Variants in TSC22D1 observed in about 807,000 individuals in gnomAD.
The protein encoded by TSC22D1 is TSC22 domain family member 1.
A neutral mutation model predicts 74.2 loss-of-function variants in TSC22D1; 9 were observed. The ratio of observed to expected loss-of-function variants is 0.12; its 90% CI spans 0.07 to 0.21. The LOEUF is 0.21. Among genes scored for constraint, TSC22D1 ranks in the 10% least tolerant of loss-of-function variants. The pLI, the probability that TSC22D1 is intolerant of heterozygous loss-of-function variation, is 1.00. For synonymous variants in TSC22D1, 586 were observed against 492.5 expected (o/e 1.19, Z -2.51); for missense variants, 1,427 against 1,304.7 (o/e 1.09, Z -1.44).
chr13:44,440,511 C>T (rs2138866796), intron 1 of TSC22D1, among the ~76,000 whole-genome samples: 1 of 150,704 alleles, frequency 6.6e-6, no homozygotes, highest in East Asian at 1.9e-4. Flanking sequence ...TTGCTTGAAC[C>T]CAGGAGGCAG....
chr13:44,467,600 C>T (rs568301929), intron 1 of TSC22D1, among the ~76,000 whole-genome samples: 1 of 152,028 alleles, frequency 6.6e-6, no homozygotes, highest in East Asian at 1.9e-4. Context: ...ATAGATATTT[C>T]TCAAAAGAAG....
rs138855607 is a variant in TSC22D1 at position 44,533,408 on chromosome 13, T to C, written c.2912+39755A>G. ...CCAGGAGGCAGATGTTGCAGTGAGC[T>C]GAGATCTTGCCACTGCACTCCAGCT... On this transcript the variant is annotated intron_variant, in intron 1 of 2. Coordinates refer to ENST00000458659, the MANE Select transcript of TSC22D1 (RefSeq NM_183422.4). 1.3e-3 allele frequency among the ~76,000 whole-genome samples: 202 copies of C among 150,788 alleles called. 1 individual carries two copies. Among genetic ancestry groups the C allele is most frequent in the African/African-American group, 4.6e-3 (186 of 40,854 alleles).
At chr13:44,521,578 TG>T (rs2138041699) in intron 1 of TSC22D1, among the ~76,000 whole-genome samples, 2 of 152,082 alleles carry the variant, frequency 1.3e-5, no homozygotes, top group South Asian at 4.2e-4. Flanking sequence ...GGGTATATGT[TG>T]TGAACAAATG....
chr13:44,468,242 G>A (rs941756877), intron 1 of TSC22D1, among the ~76,000 whole-genome samples: 2 of 152,072 alleles, frequency 1.3e-5, no homozygotes, highest in African/African-American at 2.4e-5. Context: ...GTAGAAAGGG[G>A]GTGAGGGATA....
intron 1 of TSC22D1, among the ~76,000 whole-genome samples, chr13:44,480,637 C>G (rs1566132826): frequency 6.6e-6 from 1 of 152,034 alleles, no homozygotes; most frequent in Non-Finnish European, 1.5e-5. Flanking sequence ...TATGTGAAAA[C>G]AGGAATAAAT....
At chr13:44,517,873 T>TTTTTTTTTTC (rs1161219206) in intron 1 of TSC22D1, among the ~76,000 whole-genome samples, 1 of 109,430 alleles carries the variant, frequency 9.1e-6, no homozygotes, top group Non-Finnish European at 1.9e-5. Flanking sequence ...TTTTTTTTTT[T>TTTTTTTTTTC]TTTTTTAACA....
intron 1 of TSC22D1, among the ~76,000 whole-genome samples, chr13:44,457,294 CA>C (rs1343787768): frequency 1.3e-5 from 2 of 152,166 alleles, no homozygotes; most frequent in Non-Finnish European, 2.9e-5. Flanking sequence ...TATTCTTTCG[CA>C]AAGGATAACT....
chr13:44,516,229 C>G, intron 1 of TSC22D1: 1 of 337,182 alleles, frequency 3.0e-6, no homozygotes, highest in Non-Finnish European at 5.6e-6. Context: ...TGTTGAACAT[C>G]ATTAGTTTAC....
chr13:44,559,168 G>A (rs540424660), intron 1 of TSC22D1, among the ~76,000 whole-genome samples: 2 of 152,108 alleles, frequency 1.3e-5, no homozygotes, highest in Non-Finnish European at 2.9e-5. Flanking sequence ...AAAAGTTTAG[G>A]TGAACTACAG....
chr13:44,551,389 G>GGGGTGT (rs1555272493), intron 1 of TSC22D1, among the ~76,000 whole-genome samples: 50 of 125,306 alleles, frequency 4.0e-4, no homozygotes, highest in Non-Finnish European at 6.2e-4. Flanking sequence ...CAATCAGATG[G>GGGGTGT]GTGTGTGTGT....
intron 1 of TSC22D1, among the ~76,000 whole-genome samples, chr13:44,478,741 T>C (rs1169242651): frequency 2.6e-5 from 4 of 152,158 alleles, no homozygotes; most frequent in African/African-American, 9.7e-5. Flanking sequence ...TATCTAGTTT[T>C]CCTACTATGG....
intron 1 of TSC22D1, among the ~76,000 whole-genome samples, chr13:44,485,514 A>G (rs1878390337): frequency 6.6e-6 from 1 of 152,176 alleles, no homozygotes; most frequent in African/African-American, 2.4e-5. Flanking sequence ...CTAATTAGAA[A>G]GACATTTCAA....
rs774335612 is a variant in TSC22D1, at chr13:44,574,431, T to C, written c.1644A>G (p.Gln548=). The C allele has an allele frequency of 9.3e-6, 15 of 1,614,092 alleles. No homozygotes were observed. The Middle Eastern group carries it at 4.9e-4, about 53-fold the overall frequency. ...SISQSQISQV[Q]LQSQELSYQQ... ...GATAGCTCAGTTCTTGAGACTGTAATTGTACTTGTGAGATCTGTGACTGAG... is the reference window on the plus strand; with the variant it reads ...GATAGCTCAGTTCTTGAGACTGTAACTGTACTTGTGAGATCTGTGACTGAG... Residue 548 remains glutamine, a synonymous_variant, in exon 1 of 3, where the codon CAA becomes CAG. Transcript: ENST00000458659.
chr13:44,515,898 T>C (rs1879957441), intron 1 of TSC22D1, among the ~76,000 whole-genome samples: 3 of 152,198 alleles, frequency 2.0e-5, no homozygotes, highest in Admixed American at 6.5e-5. Flanking sequence ...TTACACCTAT[T>C]ACAAATTTTC....
chr13:44,547,711 T>TAA (rs1268241680), intron 1 of TSC22D1, among the ~76,000 whole-genome samples: 1 of 152,192 alleles, frequency 6.6e-6, no homozygotes, highest in Non-Finnish European at 1.5e-5. Flanking sequence ...TGGTTACAGG[T>TAA]AAATATTCAT....
In TSC22D1 at chr13:44,573,761, T is replaced by C. The variant is rs769576615; in HGVS notation, c.2314A>G (p.Ile772Val). ...CTAGTTTGAACTCCCTGATGAATAA[T>C]CCCAGTTTGAGCAGGTGGAACCACT... Reference protein sequence around the residue: ...SQVVPPAQTGIIHQGVQTSAP... With the variant: ...SQVVPPAQTGVIHQGVQTSAP... Residue 772 changes from isoleucine to valine, a missense_variant, in exon 1 of 3, where the codon ATT becomes GTT. By Grantham distance (29) the Ile-to-Val change is conservative. Transcript: ENST00000458659. 5.0e-6 allele frequency: 8 copies of C among 1,614,210 alleles called. No homozygotes were observed. The highest frequency in any genetic ancestry group is 6.8e-6 in the Non-Finnish European group (8 of 1,180,034).
intron 1 of TSC22D1, among the ~76,000 whole-genome samples, chr13:44,451,942 CCT>C (rs1415146559): frequency 2.6e-5 from 4 of 152,196 alleles, no homozygotes; most frequent in Non-Finnish European, 5.9e-5. Context: ...CAAGGACACC[CCT>C]GTCCTTTCCC....
chr13:44,564,834 T>G (rs1458897883), intron 1 of TSC22D1, among the ~76,000 whole-genome samples: 1 of 152,086 alleles, frequency 6.6e-6, no homozygotes, highest in Non-Finnish European at 1.5e-5. Flanking sequence ...GCTGATGTTA[T>G]GTTAGAGCAA....
At chr13:44,468,317 C>T (rs1035404988) in intron 1 of TSC22D1, among the ~76,000 whole-genome samples, 3 of 130,198 alleles carry the variant, frequency 2.3e-5, no homozygotes, top group African/African-American at 5.1e-5. Context: ...GCCCAGACTT[C>T]ACCACTGTAC....
Sources: allele counts gnomAD v4.1 joint callset (sites outside exome capture counted in the v4.1 genomes callset), GRCh38; gene constraint gnomAD v4.1.1; transcripts MANE v1.5; gene names NCBI Gene and HGNC (gene_info 2026-07-23, HGNC 2026-07-21).